Variants in NUP62CL observed in about 807,000 individuals in gnomAD.
NUP62CL encodes nucleoporin-62 C-terminal-like protein.
NUP62CL carries 13 observed loss-of-function variants against 15.3 expected under a neutral mutation model. The ratio of observed to expected loss-of-function variants is 0.85; its 90% CI spans 0.55 to 1.35. The LOEUF is 1.35. Ranked by LOEUF, NUP62CL falls within the 40% of genes most tolerant of loss-of-function variation. The probability of loss-of-function intolerance (pLI) is 0.00; values close to 1 mark genes in which losing one functional copy is unlikely to be tolerated. For missense variants in NUP62CL, 123 were observed against 130.6 expected (o/e 0.94, Z 0.28); for synonymous variants, 54 against 49.2 (o/e 1.10, Z -0.41).
intron 8 of NUP62CL, among the ~76,000 whole-genome samples, chrX:107,126,481 TAATC>T (rs1052502533): frequency 2.7e-5 from 3 of 112,253 alleles, no homozygotes; most frequent in African/African-American, 9.7e-5. Flanking sequence ...TTTTAAAACT[TAATC>T]AAGTAATCAA....
At chrX:107,169,785 C>T (rs982568962) in intron 3 of NUP62CL, among the ~76,000 whole-genome samples, 1 of 109,892 alleles carries the variant, frequency 9.1e-6, no homozygotes, top group Non-Finnish European at 1.9e-5. Flanking sequence ...CACTGAGTAA[C>T]TACTGCATTC....
At chrX:107,154,301 T>A (rs1926122277) in intron 4 of NUP62CL, 55 bp from the exon 5 acceptor site, 11 of 1,032,957 alleles carry the variant, frequency 1.1e-5, no homozygotes, top group Non-Finnish European at 1.4e-5. Flanking sequence ...AAAAGTGTGA[T>A]CAGATTTTAA....
intron 8 of NUP62CL, among the ~76,000 whole-genome samples, chrX:107,145,502 T>A (rs761976540): frequency 9.0e-6 from 1 of 111,390 alleles, no homozygotes; most frequent in African/African-American, 3.3e-5. Flanking sequence ...ATTAACCCAC[T>A]GTTAACATTT....
At chrX:107,184,995 C>A (rs1472868802) in intron 2 of NUP62CL, among the ~76,000 whole-genome samples, 1 of 109,887 alleles carries the variant, frequency 9.1e-6, no homozygotes, top group African/African-American at 3.3e-5. Context: ...AAATATCCTC[C>A]AGAAAAAAGA....
intron 3 of NUP62CL, among the ~76,000 whole-genome samples, chrX:107,174,583 G>A (rs1157229661): frequency 9.0e-6 from 1 of 111,627 alleles, no homozygotes; most frequent in African/African-American, 3.3e-5. Flanking sequence ...TTCAGGTGGA[G>A]AGGTCACAAG....
chrX:107,143,426 G>A (rs770694631), intron 8 of NUP62CL, among the ~76,000 whole-genome samples: 1 of 109,841 alleles, frequency 9.1e-6, no homozygotes, highest in African/African-American at 3.3e-5. Context: ...TGTTGCCCAG[G>A]CTGGTTTCGA....
intron 2 of NUP62CL, among the ~76,000 whole-genome samples, chrX:107,186,238 C>T (rs778389338): frequency 1.8e-5 from 2 of 111,633 alleles, no homozygotes; most frequent in South Asian, 7.5e-4. Flanking sequence ...TTATAGAACA[C>T]TTCACCCAAC....
chrX:107,130,105 T>C (rs768261755), intron 8 of NUP62CL, among the ~76,000 whole-genome samples: 1 of 111,728 alleles, frequency 9.0e-6, no homozygotes, highest in South Asian at 3.7e-4. Flanking sequence ...AGAAAAACAG[T>C]ATTTCCAGAA....
chrX:107,155,690 A>T (rs1285592), intron 4 of NUP62CL, among the ~76,000 whole-genome samples: 5,999 of 112,236 alleles, frequency 0.053, 406 homozygotes, highest in African/African-American at 0.19. Flanking sequence ...TGAAAAAAAA[A>T]TATGAAAATA....
intron 2 of NUP62CL, among the ~76,000 whole-genome samples, chrX:107,179,729 T>C (rs1926870733): frequency 8.9e-6 from 1 of 112,226 alleles, no homozygotes; most frequent in Admixed American, 9.5e-5. Flanking sequence ...TTCCTTTGTA[T>C]AGATACCCAG....
chrX:107,181,721 T>C (rs913123101), intron 2 of NUP62CL, among the ~76,000 whole-genome samples: 1 of 111,909 alleles, frequency 8.9e-6, no homozygotes, highest in Non-Finnish European at 1.9e-5. Context: ...CATCTTTATC[T>C]TATAGGGTCT....
At chrX:107,151,740 A>G (rs1418931446) in intron 7 of NUP62CL, among the ~76,000 whole-genome samples, 1 of 109,227 alleles carries the variant, frequency 9.2e-6, no homozygotes, top group Non-Finnish European at 1.9e-5. Context: ...TCATCACAAT[A>G]CAAATCTGGG....
At chrX:107,158,647 TA>T (rs1926276585) in intron 4 of NUP62CL, among the ~76,000 whole-genome samples, 2 of 66,649 alleles carry the variant, frequency 3.0e-5, no homozygotes, top group Admixed American at 3.4e-4. Flanking sequence ...GAGGGAAATT[TA>T]TAGCACTAAA....
intron 2 of NUP62CL, among the ~76,000 whole-genome samples, chrX:107,189,875 A>G (rs1177242660): frequency 1.5e-4 from 12 of 77,535 alleles, no homozygotes; most frequent in Admixed American, 2.9e-4. Context: ...GGAAAAAGAA[A>G]GAAAAGAAAG....
chrX:107,139,038 A>G (rs1439587023), intron 8 of NUP62CL, among the ~76,000 whole-genome samples: 2 of 111,921 alleles, frequency 1.8e-5, no homozygotes, highest in Non-Finnish European at 1.9e-5. Flanking sequence ...CTGAGGGGGA[A>G]AAAAGCCAAT....
At chrX:107,135,198 G>A (rs1287249988) in intron 8 of NUP62CL, among the ~76,000 whole-genome samples, 1 of 112,299 alleles carries the variant, frequency 8.9e-6, no homozygotes, top group African/African-American at 3.2e-5. Flanking sequence ...GGTTAGCAAT[G>A]TGCCTAGCTT....
intron 8 of NUP62CL, among the ~76,000 whole-genome samples, 164 bp downstream of exon 8, chrX:107,147,579 A>C (rs1925908407): frequency 8.9e-6 from 1 of 111,772 alleles, no homozygotes; most frequent in African/African-American, 3.2e-5. Context: ...CATTTAAAAA[A>C]ATAAGGAATT....
At chrX:107,180,998 C>T (rs1358110994) in intron 2 of NUP62CL, among the ~76,000 whole-genome samples, 1 of 102,406 alleles carries the variant, frequency 9.8e-6, no homozygotes, top group Non-Finnish European at 2.0e-5. Flanking sequence ...CTTACTGCAA[C>T]CTCCGCCTCC....
At chrX:107,151,092 C>A in intron 7 of NUP62CL, 1 of 270,678 alleles carries the variant, frequency 3.7e-6, no homozygotes, top group Non-Finnish European at 7.2e-6. Flanking sequence ...TTCAGTGGAG[C>A]TCAGTTATGA....
Sources: allele counts gnomAD v4.1 joint callset (sites outside exome capture counted in the v4.1 genomes callset), GRCh38; gene constraint gnomAD v4.1.1; transcripts MANE v1.5; gene names NCBI Gene and HGNC (gene_info 2026-07-23, HGNC 2026-07-21).